The following MRAP variants were observed in gnomAD, a reference collection of about 807,000 sequenced individuals.
MRAP encodes melanocortin-2 receptor accessory protein.
Under a neutral mutation model 8.7 loss-of-function variants are expected in MRAP, and 8 were observed. That is an observed-to-expected ratio of 0.92 (90% CI 0.54 to 1.66). MRAP has a LOEUF of 1.66. MRAP is among the 40% of genes most tolerant of loss of function. MRAP has a pLI of 0.00. For missense variants in MRAP, 237 were observed against 217.1 expected (o/e 1.09, Z -0.58); for synonymous variants, 95 against 95.5 (o/e 1.00, Z 0.03).
chr21:32,314,675 T>A, downstream of MRAP: 1 of 1,608,596 alleles, frequency 6.2e-7, no homozygotes, highest in Non-Finnish European at 8.5e-7. Flanking sequence ...ATGGGCCTCA[T>A]GGCCTAGAAG....
chr21:32,296,896 A>G (rs2032150053), upstream of MRAP, among the ~76,000 whole-genome samples: 1 of 152,200 alleles, frequency 6.6e-6, no homozygotes, highest in Non-Finnish European at 1.5e-5. Context: ...ATTACTGGAC[A>G]CTACTGTAGA....
Position 32,306,745 on chromosome 21 carries a change from TA to T in MRAP, c.206+8del. On this transcript the variant is annotated splice_region_variant and intron_variant, in intron 2 of 2. Transcript: ENST00000303645. ...TCCGCCTCCCCGCAGATGAGGTGGG[TA>T]AGAAGGGGTGTGAGTCTGTGGGTCA... 6.2e-7 allele frequency: 1 copy of T among 1,611,680 alleles called. No homozygotes were observed.
At chr21:32,307,257 G>A (rs1349085895) in intron 2 of MRAP, among the ~76,000 whole-genome samples, 1 of 152,104 alleles carries the variant, frequency 6.6e-6, no homozygotes, top group Non-Finnish European at 1.5e-5. Flanking sequence ...CTACTGATGG[G>A]TTTCTTTTGG....
intron 2 of MRAP, among the ~76,000 whole-genome samples, chr21:32,307,143 C>G (rs535234566): frequency 6.6e-6 from 1 of 152,216 alleles, no homozygotes; most frequent in African/African-American, 2.4e-5. Context: ...TTGTATGACT[C>G]CATTCACACA....
chr21:32,300,775 C>T (rs1159872783), intron 1 of MRAP, among the ~76,000 whole-genome samples: 1 of 142,280 alleles, frequency 7.0e-6, no homozygotes, highest in Middle Eastern at 4.5e-3. Flanking sequence ...GGGCGTCATG[C>T]CTCCTATGTC....
chr21:32,299,055 G>C lies in MRAP; in HGVS notation c.84G>C (p.Glu28Asp). The C allele has an allele frequency of 1.2e-6, 2 of 1,614,066 alleles. No homozygotes were observed. The highest frequency in any genetic ancestry group is 1.7e-6 in the Non-Finnish European group (2 of 1,179,940). The change falls in exon 1 of 3, where the codon GAG becomes GAC. Residue 28 changes from glutamate (E) to aspartate (D), a missense_variant. Physicochemically the swap from Glu to Asp is conservative, Grantham distance 45. Transcript: ENST00000303645. ...LDYLDLIPVD[E>D]KKLKAHKHSI... ...ATCTGGACCTCATTCCCGTGGACGA[G>C]AAGAAGCTGAAAGCCCACAAACGTA...
upstream of MRAP, among the ~76,000 whole-genome samples, chr21:32,294,635 G>A (rs868144641): frequency 1.1e-4 from 16 of 152,082 alleles, no homozygotes; most frequent in African/African-American, 3.9e-4. Flanking sequence ...TCCAGTATGT[G>A]GCTTGCCTAT....
chr21:32,294,498 T>C (rs1156910590), upstream of MRAP, among the ~76,000 whole-genome samples: 1 of 152,208 alleles, frequency 6.6e-6, no homozygotes, highest in African/African-American at 2.4e-5. Flanking sequence ...TATTCACATA[T>C]CTTTCTTTAT....
rs989133059 is a variant in MRAP, at chr21:32,302,979, C to T, written c.107-3661C>T. ...CAGTAGTAACCTATGCCCCAATTCCCTTTTTTTTTTTTTTTTTTGAGATGG... is the reference window on the plus strand; with the variant it reads ...CAGTAGTAACCTATGCCCCAATTCCTTTTTTTTTTTTTTTTTTTGAGATGG... On this transcript the variant is annotated intron_variant, in intron 1 of 2. Coordinates refer to ENST00000303645, the MANE Select transcript of MRAP (RefSeq NM_001379228.1). 2.4e-4 allele frequency among the ~76,000 whole-genome samples: 30 copies of T among 124,244 alleles called. No homozygotes were observed. In the Admixed American group the frequency reaches 2.6e-3, roughly 11 times the overall value. The allele number at this position is 124,244 out of a possible 152,430, so 81.5% of individuals were successfully genotyped here.
intron 1 of MRAP, among the ~76,000 whole-genome samples, chr21:32,304,213 G>A (rs911890244): frequency 6.6e-6 from 1 of 152,304 alleles, no homozygotes; most frequent in Middle Eastern, 3.4e-3. Flanking sequence ...GACAGCATAT[G>A]CACTCTTTTA....
chr21:32,298,646 C>T (rs1051903546), upstream of MRAP, among the ~76,000 whole-genome samples: 5 of 152,210 alleles, frequency 3.3e-5, no homozygotes, highest in Non-Finnish European at 7.3e-5. Context: ...CTATTTCCCG[C>T]CCAGCTCCCT....
intron 1 of MRAP, among the ~76,000 whole-genome samples, chr21:32,301,780 A>C (rs1222198234): frequency 6.6e-6 from 1 of 152,176 alleles, no homozygotes; most frequent in Non-Finnish European, 1.5e-5. Context: ...AACTGGTCAT[A>C]GTCCATATTG....
In MRAP at chr21:32,301,703, G is replaced by A. The variant is rs115200653; in HGVS notation, c.106+2626G>A. ...GCTGATTTCCCTTGAGTAGTGCCTGGCTTAATGCTCTATTATTTACCTCTC... is the reference window on the plus strand; with the variant it reads ...GCTGATTTCCCTTGAGTAGTGCCTGACTTAATGCTCTATTATTTACCTCTC... On this transcript the variant is annotated intron_variant, in intron 1 of 2. Coordinates refer to ENST00000303645, the MANE Select transcript of MRAP (RefSeq NM_001379228.1). 9.2e-4 allele frequency among the ~76,000 whole-genome samples: 140 copies of A among 152,226 alleles called. 2 individuals carry two copies. Among genetic ancestry groups the A allele is most frequent in the African/African-American group, 3.3e-3 (138 of 41,522 alleles).
intron 1 of MRAP, among the ~76,000 whole-genome samples, chr21:32,300,442 C>T (rs1378779681): frequency 2.0e-5 from 3 of 150,126 alleles, no homozygotes; most frequent in African/African-American, 7.4e-5. Context: ...GTCATGCGTC[C>T]TATGTCAGAT....
In MRAP at chr21:32,311,932, C is replaced by T. The variant is rs1209634708; in HGVS notation, c.455C>T (p.Pro152Leu). The T allele has an allele frequency of 6.2e-7, 1 of 1,613,674 alleles. No homozygotes were observed. The highest frequency in any genetic ancestry group is 8.5e-7 in the Non-Finnish European group (1 of 1,180,028). ...LLWELTLNGG[P>L]LVRSKPSEPP... ...TGGGAACTGACCCTCAATGGGGGTC[C>T]CCTCGTCAGGAGCAAGCCCAGCGAG... Residue 152 changes from proline (P) to leucine (L), a missense_variant, in exon 3 of 3, where the codon CCC becomes CTC. Physicochemically the swap from Pro to Leu is moderately conservative, Grantham distance 98. Transcript: ENST00000303645.
upstream of MRAP, chr21:32,298,777 G>A (rs945085665): frequency 1.2e-5 from 7 of 562,536 alleles, no homozygotes; most frequent in South Asian, 3.7e-5. Flanking sequence ...GGATGCTGGC[G>A]TTGTGAGACA....
chr21:32,301,183 C>T (rs945874339), intron 1 of MRAP, among the ~76,000 whole-genome samples: 1 of 151,114 alleles, frequency 6.6e-6, no homozygotes, highest in Non-Finnish European at 1.5e-5. Context: ...AGGATGGTCT[C>T]GATCTCCTGA....
chr21:32,311,976 A>C lies in MRAP; in HGVS notation c.499A>C (p.Thr167Pro). The C allele has an allele frequency of 6.2e-7, 1 of 1,613,306 alleles. No individual in the cohort carries two copies. The highest frequency in any genetic ancestry group is 8.5e-7 in the Non-Finnish European group (1 of 1,180,034). ...KPSEPPPGDR[T>P]SQLQS is the part of the protein sequence containing the mutation. ...CAGCGAGCCTCCCCCTGGAGACAGG[A>C]CCTCTCAATTGCAGAGCTGATGTCA... The change falls in exon 3 of 3, where the codon ACC becomes CCC. Residue 167 changes from threonine to proline, a missense_variant. Transcript: ENST00000303645.
chr21:32,306,117 C>T (rs747621916), intron 1 of MRAP, among the ~76,000 whole-genome samples: 1 of 152,194 alleles, frequency 6.6e-6, no homozygotes, highest in Non-Finnish European at 1.5e-5. Flanking sequence ...GGCTAACTCC[C>T]GTAGAGCAGA....
Sources: gnomAD v4.1 joint callset for allele counts (sites outside exome capture counted in the v4.1 genomes callset) on GRCh38, gnomAD v4.1.1 for gene constraint, MANE v1.5 for transcripts, NCBI Gene and HGNC (gene_info 2026-07-23, HGNC 2026-07-21) for gene names.